The following SAMD12 variants were observed in gnomAD, a reference collection of about 807,000 sequenced individuals.
SAMD12 encodes sterile alpha motif domain-containing protein 12.
Under a neutral mutation model 15.0 loss-of-function variants are expected in SAMD12, and 9 were observed. The observed-to-expected ratio is 0.60, with a 90% CI of 0.36 to 1.05. The LOEUF (loss-of-function observed/expected upper bound fraction) is 1.05. Among genes scored for constraint, SAMD12 ranks in the 50% least tolerant of loss-of-function variants. The probability of loss-of-function intolerance (pLI) is 0.01; values close to 1 mark genes in which losing one functional copy is unlikely to be tolerated. For missense variants in SAMD12, 230 were observed against 234.2 expected (o/e 0.98, Z 0.12); for synonymous variants, 86 against 90.1 (o/e 0.96, Z 0.25).
intron 3 of SAMD12, among the ~76,000 whole-genome samples, chr8:118,403,774 A>C (rs1820984832): frequency 6.6e-6 from 1 of 152,208 alleles, no homozygotes; most frequent in Non-Finnish European, 1.5e-5. Flanking sequence ...CCAGAGAAAT[A>C]AATCAGAGGG....
At chr8:118,257,354 T>C (rs950914472) in intron 4 of SAMD12, among the ~76,000 whole-genome samples, 1 of 152,074 alleles carries the variant, frequency 6.6e-6, no homozygotes, top group African/African-American at 2.4e-5. Flanking sequence ...CTATCTGAAA[T>C]GCTGAGACGG....
chr8:118,551,481 G>C (rs1271206297), intron 2 of SAMD12, among the ~76,000 whole-genome samples: 1 of 151,788 alleles, frequency 6.6e-6, no homozygotes, highest in Non-Finnish European at 1.5e-5. Context: ...AAACCAACGA[G>C]AACAAAGACA....
intron 2 of SAMD12, among the ~76,000 whole-genome samples, chr8:118,572,667 C>T (rs1271206776): frequency 1.3e-5 from 2 of 152,168 alleles, no homozygotes; most frequent in African/African-American, 4.8e-5. Flanking sequence ...ACATGCCTTG[C>T]TCCTCTTTGC....
chr8:118,446,113 G>A (rs1240657467), intron 2 of SAMD12, among the ~76,000 whole-genome samples: 1 of 151,866 alleles, frequency 6.6e-6, no homozygotes, highest in African/African-American at 2.4e-5. Context: ...ATAAACAAAA[G>A]CTCTTTGAGG....
intron 3 of SAMD12, among the ~76,000 whole-genome samples, chr8:118,436,823 A>C (rs1437940186): frequency 1.3e-5 from 2 of 152,332 alleles, no homozygotes; most frequent in Non-Finnish European, 1.5e-5. Flanking sequence ...ACACTTGGAA[A>C]AGAGCAGCAG....
chr8:118,456,166 G>A (rs1823244467), intron 2 of SAMD12, among the ~76,000 whole-genome samples: 2 of 152,210 alleles, frequency 1.3e-5, no homozygotes, highest in Non-Finnish European at 1.5e-5. Flanking sequence ...CCAAGAATAA[G>A]AGAGTCCTGT....
intron 2 of SAMD12, among the ~76,000 whole-genome samples, chr8:118,480,296 G>A (rs1406216278): frequency 6.6e-6 from 1 of 152,134 alleles, no homozygotes; most frequent in Non-Finnish European, 1.5e-5. Context: ...ATCGCACAAA[G>A]GGCAGCATGC....
intron 4 of SAMD12, among the ~76,000 whole-genome samples, chr8:118,237,805 C>T (rs1812469417): frequency 6.6e-6 from 1 of 152,138 alleles, no homozygotes. Flanking sequence ...ATATTGGTAA[C>T]TGCATCTTGG....
intron 2 of SAMD12, among the ~76,000 whole-genome samples, chr8:118,479,098 C>A (rs1000378051): frequency 2.1e-5 from 3 of 144,950 alleles, no homozygotes. Flanking sequence ...GTCCTTACAG[C>A]AAACTACAAT....
intron 4 of SAMD12, among the ~76,000 whole-genome samples, chr8:118,321,162 T>A (rs1404945259): frequency 2.7e-5 from 2 of 74,242 alleles, no homozygotes; most frequent in East Asian, 2.6e-4. Context: ...TATATATATA[T>A]ATATATATAT....
chr8:118,388,710 G>C (rs969815719), intron 3 of SAMD12, among the ~76,000 whole-genome samples: 1 of 150,678 alleles, frequency 6.6e-6, no homozygotes, highest in East Asian at 1.9e-4. Context: ...TTCTTTGCTG[G>C]GATCGTTATG....
chr8:118,498,088 T>A (rs1586764972), intron 2 of SAMD12, among the ~76,000 whole-genome samples: 1 of 152,302 alleles, frequency 6.6e-6, no homozygotes, highest in South Asian at 2.1e-4. Context: ...AGGCAAGGCA[T>A]GTGTTATATC....
At chr8:118,515,630 T>C (rs1003600980) in intron 2 of SAMD12, among the ~76,000 whole-genome samples, 4 of 152,132 alleles carry the variant, frequency 2.6e-5, no homozygotes, top group Admixed American at 1.3e-4. Context: ...GAGGGGTCTG[T>C]TGAGGGACCA....
chr8:118,433,866 C>A (rs986121873), intron 3 of SAMD12, among the ~76,000 whole-genome samples: 12 of 152,178 alleles, frequency 7.9e-5, no homozygotes, highest in Non-Finnish European at 1.8e-4. Context: ...AATACGTTTA[C>A]ATTTTGTTTG....
At chr8:118,432,950 G>GT (rs1479724906) in intron 3 of SAMD12, among the ~76,000 whole-genome samples, 1 of 152,138 alleles carries the variant, frequency 6.6e-6, no homozygotes, top group African/African-American at 2.4e-5. Flanking sequence ...AAAACAGACT[G>GT]TTTTTTAAAA....
intron 2 of SAMD12, among the ~76,000 whole-genome samples, chr8:118,552,919 C>A (rs1028411711): frequency 2.7e-4 from 41 of 151,966 alleles, no homozygotes; most frequent in Non-Finnish European, 4.7e-4. Flanking sequence ...CATGAGTGAA[C>A]TCCCATTCAC....
chr8:118,345,737 T>C (rs1394425149), intron 4 of SAMD12, among the ~76,000 whole-genome samples: 1 of 152,144 alleles, frequency 6.6e-6, no homozygotes, highest in Non-Finnish European at 1.5e-5. Context: ...TGGCAACAGG[T>C]CAAGAGCAGT....
At chr8:118,186,715 G>T, downstream of SAMD12, among the ~76,000 whole-genome samples, 1 of 152,060 alleles carries the variant, frequency 6.6e-6, no homozygotes. Flanking sequence ...TTGTTTTAAT[G>T]ATTTTGAAAG....
At chr8:118,473,594 T>C (rs1029832600) in intron 2 of SAMD12, among the ~76,000 whole-genome samples, 1 of 152,170 alleles carries the variant, frequency 6.6e-6, no homozygotes, top group Non-Finnish European at 1.5e-5. Flanking sequence ...CACCAAGGCA[T>C]ATGAGACCTT....
Sources: allele counts gnomAD v4.1 joint callset (sites outside exome capture counted in the v4.1 genomes callset), GRCh38; gene constraint gnomAD v4.1.1; transcripts MANE v1.5; gene names NCBI Gene and HGNC (gene_info 2026-07-23, HGNC 2026-07-21).